Variants in RORA observed in about 807,000 individuals in gnomAD.
The protein encoded by RORA is RAR related orphan receptor A, also known as nuclear receptor ROR-alpha.
A neutral mutation model predicts 69.5 loss-of-function variants in RORA; 7 were observed. The observed-to-expected ratio is 0.10, with a 90% CI of 0.06 to 0.19. The LOEUF (loss-of-function observed/expected upper bound fraction) is 0.19. RORA is among the 10% of genes least tolerant of loss of function. RORA has a pLI of 1.00. For missense variants in RORA, 457 were observed against 663.0 expected (o/e 0.69, Z 3.41); for synonymous variants, 261 against 240.8 (o/e 1.08, Z -0.78).
chr15:60,821,035 C>G (rs1263506019), intron 1 of RORA, among the ~76,000 whole-genome samples: 1 of 148,810 alleles, frequency 6.7e-6, no homozygotes, highest in East Asian at 2.0e-4. Flanking sequence ...TGTGGCTGTC[C>G]CACTGCCAGA....
chr15:61,050,007 T>C (rs1897224786), intron 1 of RORA, among the ~76,000 whole-genome samples: 1 of 152,210 alleles, frequency 6.6e-6, no homozygotes, highest in South Asian at 2.1e-4. Flanking sequence ...AATATGGTAA[T>C]GAGTGCTGTG....
intron 2 of RORA, among the ~76,000 whole-genome samples, chr15:60,587,781 C>T (rs576022513): frequency 4.6e-5 from 7 of 152,110 alleles, no homozygotes; most frequent in African/African-American, 9.7e-5. Flanking sequence ...TTAAAGTTAT[C>T]GTATTATCTC....
intron 1 of RORA, among the ~76,000 whole-genome samples, chr15:61,221,824 G>A (rs573126580): frequency 4.4e-4 from 67 of 152,186 alleles, no homozygotes; most frequent in African/African-American, 1.5e-3. Flanking sequence ...TCTGTGCGTG[G>A]ATGCAGAAAC....
At chr15:60,632,286 T>G (rs1260564324) in intron 2 of RORA, among the ~76,000 whole-genome samples, 1 of 152,060 alleles carries the variant, frequency 6.6e-6, no homozygotes, top group Non-Finnish European at 1.5e-5. Flanking sequence ...TTTTCTATTT[T>G]TAGTAGAGAC....
At chr15:61,196,456 G>C (rs2079846156) in intron 1 of RORA, among the ~76,000 whole-genome samples, 1 of 152,226 alleles carries the variant, frequency 6.6e-6, no homozygotes. Flanking sequence ...GCCCATTACA[G>C]GTTGCAAAGA....
At chr15:60,547,789 T>G (rs543834172) in intron 2 of RORA, 2 of 152,306 alleles carry the variant, frequency 1.3e-5, no homozygotes, top group South Asian at 4.1e-4. Context: ...GAAAGCCATT[T>G]CAGAAGAAGA....
chr15:60,514,112 C>T (rs992871572), intron 4 of RORA, among the ~76,000 whole-genome samples: 7 of 152,228 alleles, frequency 4.6e-5, no homozygotes, highest in Non-Finnish European at 8.8e-5. Context: ...ATGCTTTGCA[C>T]TATTTTCACA....
intron 1 of RORA, among the ~76,000 whole-genome samples, chr15:60,860,838 C>T (rs1007261123): frequency 2.0e-5 from 3 of 152,198 alleles, no homozygotes; most frequent in Non-Finnish European, 4.4e-5. Context: ...CATGGAACTT[C>T]CTTTTATTTT....
chr15:61,057,044 G>A (rs549851895), intron 1 of RORA, among the ~76,000 whole-genome samples: 5 of 152,296 alleles, frequency 3.3e-5, no homozygotes, highest in African/African-American at 1.2e-4. Context: ...CAGAACCGGT[G>A]GTGATGTGAC....
intron 1 of RORA, among the ~76,000 whole-genome samples, chr15:61,035,008 T>C (rs1216647582): frequency 6.6e-6 from 1 of 152,258 alleles, no homozygotes; most frequent in Middle Eastern, 3.4e-3. Flanking sequence ...GGAAAATATT[T>C]AACTATGCGC....
At chr15:60,683,215 T>C (rs987227718) in intron 1 of RORA, among the ~76,000 whole-genome samples, 1 of 152,298 alleles carries the variant, frequency 6.6e-6, no homozygotes, top group South Asian at 2.1e-4. Context: ...TCTTGCCATG[T>C]TGTTCAGGCT....
chr15:60,995,186 C>G (rs1048065357), intron 1 of RORA, among the ~76,000 whole-genome samples: 11 of 151,416 alleles, frequency 7.3e-5, no homozygotes, highest in African/African-American at 2.4e-4. Flanking sequence ...CTTTTTTTTT[C>G]TGGTTCTCTT....
At chr15:60,618,937 T>C (rs567212135) in intron 2 of RORA, among the ~76,000 whole-genome samples, 1 of 152,032 alleles carries the variant, frequency 6.6e-6, no homozygotes, top group South Asian at 2.1e-4. Flanking sequence ...AAAAAGGGAG[T>C]GGTCTTCACA....
In RORA at chr15:60,905,893, CT is replaced by C. The variant is rs1891523057; in HGVS notation, c.167-227208del. ...ACCCTCATCATCCTTTATTCTCCCCCTCTCTTCTACCAAAGAAGCCCTAAAA... is the reference window on the plus strand; with the variant it reads ...ACCCTCATCATCCTTTATTCTCCCCCCTCTTCTACCAAAGAAGCCCTAAAA... On this transcript the variant is annotated intron_variant, in intron 1 of 10. Transcript: ENST00000335670. The surrounding 1 kb of genome is among the most constrained non-coding windows in gnomAD (Gnocchi z 4.8). Among the ~76,000 whole-genome samples the C allele has an allele frequency of 3.3e-5, 5 of 152,312 alleles. No individual in the cohort carries two copies. The highest frequency in any genetic ancestry group is 3.3e-4 in the Admixed American group (5 of 15,302).
intron 1 of RORA, among the ~76,000 whole-genome samples, chr15:60,887,803 C>A (rs376854314): frequency 6.6e-5 from 10 of 152,132 alleles, no homozygotes; most frequent in African/African-American, 2.4e-4. Flanking sequence ...CACCTTGCTG[C>A]GGGCATCAGC....
rs894908465 is a variant in RORA, at chr15:61,215,432, G to T, written c.166+13621C>A. Among the ~76,000 whole-genome samples, 19 of 152,180 alleles carry T rather than the reference G, an allele frequency of 1.2e-4. 1 individual carries two copies. The highest frequency in any genetic ancestry group is 2.2e-4 in the Non-Finnish European group (15 of 68,036). On this transcript the variant is annotated intron_variant, in intron 1 of 10. Coordinates refer to ENST00000335670, the MANE Select transcript of RORA (RefSeq NM_134261.3). ...ACTTGAGAAATACCAGTTAATAGGG[G>T]TTCTCAGACATGGTAATAAGGATGA...
chr15:60,530,028 A>G (rs996661449), intron 3 of RORA: 4 of 152,340 alleles, frequency 2.6e-5, no homozygotes, highest in Non-Finnish European at 5.9e-5. Context: ...CGCAATGCAC[A>G]AAAAGCACTG....
intron 1 of RORA, among the ~76,000 whole-genome samples, chr15:60,912,415 G>C (rs967768215): frequency 2.8e-5 from 4 of 145,024 alleles, no homozygotes; most frequent in African/African-American, 1.0e-4. Context: ...AATAGAGGGA[G>C]ACCATGCCTC....
chr15:60,635,067 C>T lies in RORA; in HGVS notation c.196+43590G>A, dbSNP rs566218067. Reference sequence around the variant, plus strand: ...TGAAACCCACGGAGCACGGCCTGCCCCTCTGCTTCCCTTTAATGGTTTCTG... The same window carrying T: ...TGAAACCCACGGAGCACGGCCTGCCTCTCTGCTTCCCTTTAATGGTTTCTG... On this transcript the variant is annotated intron_variant, in intron 2 of 10. Transcript: ENST00000335670. Among the ~76,000 whole-genome samples, 10 of 152,354 alleles carry T rather than the reference C, an allele frequency of 6.6e-5. No individual in the cohort carries two copies. The South Asian group carries it at 2.1e-3, about 32-fold the overall frequency.
Sources: gnomAD v4.1 joint callset for allele counts (sites outside exome capture counted in the v4.1 genomes callset) on GRCh38, gnomAD v4.1.1 for gene constraint, Gnocchi (gnomAD v3.1) non-coding constraint, MANE v1.5 for transcripts, NCBI Gene and HGNC (gene_info 2026-07-23, HGNC 2026-07-21) for gene names.